IL21R: variants seen among roughly 807,000 people sequenced by gnomAD.
IL21R encodes interleukin-21 receptor.
Under a neutral mutation model 41.3 loss-of-function variants are expected in IL21R, and 14 were observed. The ratio of observed to expected loss-of-function variants is 0.34; its 90% confidence interval spans 0.22 to 0.53. The LOEUF is 0.53. Among genes scored for constraint, IL21R ranks in the 20% least tolerant of loss-of-function variants. The probability of loss-of-function intolerance (pLI) is 0.94; values close to 1 mark genes in which losing one functional copy is unlikely to be tolerated. For missense variants in IL21R, 588 were observed against 681.6 expected (o/e 0.86, Z 1.53); for synonymous variants, 286 against 287.6 (o/e 0.99, Z 0.05).
intron 1 of IL21R, among the ~76,000 whole-genome samples, chr16:27,414,938 G>T (rs140426149): frequency 6.6e-6 from 1 of 152,086 alleles, no homozygotes; most frequent in Non-Finnish European, 1.5e-5. Context: ...AGGATAAGGC[G>T]TCTGTTTGCA....
intron 1 of IL21R, among the ~76,000 whole-genome samples, chr16:27,421,601 C>T (rs1297747785): frequency 6.6e-6 from 1 of 151,860 alleles, no homozygotes; most frequent in African/African-American, 2.4e-5. Flanking sequence ...CCATTTTGTT[C>T]TGTTTTGTAT....
At chr16:27,418,482 T>C (rs1005041962) in intron 1 of IL21R, among the ~76,000 whole-genome samples, 3 of 151,946 alleles carry the variant, frequency 2.0e-5, no homozygotes, top group Non-Finnish European at 4.4e-5. Context: ...AATTCTCCTG[T>C]CTCAGCCTCC....
At chr16:27,417,163 C>CTTTTT (rs577149386) in intron 1 of IL21R, among the ~76,000 whole-genome samples, 5 of 126,626 alleles carry the variant, frequency 3.9e-5, no homozygotes, top group Non-Finnish European at 8.0e-5. Flanking sequence ...TTTTTCTTTT[C>CTTTTT]TTTTTTTTTT....
chr16:27,430,311 G>T (rs546607643), intron 2 of IL21R, among the ~76,000 whole-genome samples, 191 bp downstream of exon 2: 11 of 152,298 alleles, frequency 7.2e-5, no homozygotes, highest in African/African-American at 2.6e-4. Flanking sequence ...TCCACCAAAG[G>T]GCTCCATGAA....
chr16:27,423,097 GT>G (rs1289954781), intron 1 of IL21R, among the ~76,000 whole-genome samples: 2 of 152,038 alleles, frequency 1.3e-5, no homozygotes, highest in African/African-American at 2.4e-5. Context: ...ATTAGCAGGT[GT>G]TTTTTTGCTA....
intron 4 of IL21R, 35 bp from the exon 5 acceptor site, chr16:27,442,927 C>T (rs1009524921): frequency 1.3e-6 from 2 of 1,551,180 alleles, no homozygotes; most frequent in Non-Finnish European, 1.7e-6. Flanking sequence ...AGCAAATTCT[C>T]ACCCCATTTT....
intron 2 of IL21R, 85 bp from the exon 3 acceptor site, chr16:27,434,262 C>A: frequency 1.1e-6 from 1 of 869,626 alleles, no homozygotes; most frequent in South Asian, 1.4e-5. Context: ...ACCCATTCTT[C>A]CTCCAGCCCT....
chr16:27,424,392 A>G lies in IL21R; in HGVS notation c.-16-5664A>G, dbSNP rs535338613. Among the ~76,000 whole-genome samples, 188 of 152,246 alleles carry G rather than the reference A, an allele frequency of 1.2e-3. 1 individual carries two copies. Among genetic ancestry groups the G allele is most frequent in the Non-Finnish European group, 2.2e-3 (148 of 68,018 alleles). On this transcript the variant is annotated intron_variant, in intron 1 of 8. Transcript: ENST00000337929. ...TTGACCATGAAGTTAAGCACCTTAT[A>G]TTCTCCATAGCACTCACTTCAATCT...
intron 4 of IL21R, among the ~76,000 whole-genome samples, chr16:27,442,328 C>T (rs2087403243): frequency 6.6e-6 from 1 of 152,106 alleles, no homozygotes; most frequent in Non-Finnish European, 1.5e-5. Flanking sequence ...CCACTCTGTG[C>T]TGCTGGGGCC....
chr16:27,415,240 C>T (rs941528092), intron 1 of IL21R, among the ~76,000 whole-genome samples: 1 of 152,218 alleles, frequency 6.6e-6, no homozygotes, highest in African/African-American at 2.4e-5. Context: ...TTCCCACTTA[C>T]TGGGTGCCAA....
At chr16:27,405,981 A>C (rs1430423703) in intron 1 of IL21R, among the ~76,000 whole-genome samples, 2 of 152,246 alleles carry the variant, frequency 1.3e-5, no homozygotes, top group Non-Finnish European at 2.9e-5. Flanking sequence ...GGGCAAGTGC[A>C]CCAGCCCGGG....
At chr16:27,426,409 C>T (rs1020357557) in intron 1 of IL21R, among the ~76,000 whole-genome samples, 6 of 152,214 alleles carry the variant, frequency 3.9e-5, no homozygotes, top group African/African-American at 9.7e-5. Context: ...AAACCTCAAA[C>T]GCAATAGGCT....
At chr16:27,402,986 G>A (rs112571372) in intron 1 of IL21R, 1 of 396,486 alleles carries the variant, frequency 2.5e-6, no homozygotes, top group Non-Finnish European at 5.1e-6. Flanking sequence ...TGGGTGTAGA[G>A]CCTGATGGGA....
chr16:27,449,214 C>T lies in IL21R; in HGVS notation c.1548C>T (p.Pro516=), dbSNP rs1486350721. 6.2e-7 allele frequency: 1 copy of T among 1,612,848 alleles called. No homozygotes were observed. Among genetic ancestry groups the T allele is most frequent in the African/African-American group, 1.3e-5 (1 of 75,048 alleles). ...DFTSPGDEGP[P]RSYLRQWVVI... ...CCAGCCCCGGGGACGAAGGACCCCC[C>T]CGGAGCTACCTCCGCCAGTGGGTGG... The change falls in exon 9 of 9, where the codon CCC becomes CCT. Residue 516 remains proline (P), a synonymous_variant. Coordinates refer to ENST00000337929, the MANE Select transcript of IL21R (RefSeq NM_181078.3).
At chr16:27,431,709 G>T (rs2087175446) in intron 2 of IL21R, among the ~76,000 whole-genome samples, 1 of 151,788 alleles carries the variant, frequency 6.6e-6, no homozygotes. Context: ...GGAGTGCAAT[G>T]GTGCAATCTT....
chr16:27,438,986 A>G (rs369557103), intron 4 of IL21R, among the ~76,000 whole-genome samples: 23 of 151,934 alleles, frequency 1.5e-4, no homozygotes, highest in African/African-American at 3.6e-4. Flanking sequence ...CCCAGAGGCA[A>G]ACACAGGCTG....
intron 1 of IL21R, among the ~76,000 whole-genome samples, chr16:27,423,231 G>T (rs1567361201): frequency 6.7e-6 from 1 of 148,486 alleles, no homozygotes; most frequent in African/African-American, 2.5e-5. Context: ...CTCTTGTGCA[G>T]TTTTTTTTTT....
At chr16:27,443,267 C>T in intron 5 of IL21R, 151 bp downstream of exon 5, 1 of 599,298 alleles carries the variant, frequency 1.7e-6, no homozygotes, top group Non-Finnish European at 2.8e-6. Flanking sequence ...AGCGGGCCCT[C>T]CTCCTCCCCT....
rs544041664 is a variant in IL21R, at chr16:27,407,629, C to G, written c.-17+5011C>G. Reference sequence around the variant, plus strand: ...TCACCTGAGGTCAGGAGTTTGAGATCAGCCTGACCAACATGGTGAAACCCT... The same window carrying G: ...TCACCTGAGGTCAGGAGTTTGAGATGAGCCTGACCAACATGGTGAAACCCT... On this transcript the variant is annotated intron_variant, in intron 1 of 8. Coordinates refer to ENST00000337929, the MANE Select transcript of IL21R (RefSeq NM_181078.3). Among the ~76,000 whole-genome samples the G allele has an allele frequency of 5.3e-4, 81 of 152,300 alleles. 1 individual carries two copies. The highest frequency in any genetic ancestry group is 3.4e-3 in the Middle Eastern group (1 of 294).
Sources: gnomAD v4.1 joint callset for allele counts (sites outside exome capture counted in the v4.1 genomes callset) on GRCh38, gnomAD v4.1.1 for gene constraint, MANE v1.5 for transcripts, NCBI Gene and HGNC (gene_info 2026-07-23, HGNC 2026-07-21) for gene names.